The following ARHGEF3 variants were observed in gnomAD, a reference collection of about 807,000 sequenced individuals.
ARHGEF3 encodes Rho guanine nucleotide exchange factor 3.
Under a neutral mutation model 63.2 loss-of-function variants are expected in ARHGEF3, and 28 were observed. The ratio of observed to expected loss-of-function variants is 0.44; its 90% confidence interval spans 0.33 to 0.61. ARHGEF3 has a LOEUF of 0.61. ARHGEF3 is among the 20% of genes least tolerant of loss of function. The pLI, the probability that ARHGEF3 is intolerant of heterozygous loss-of-function variation, is 0.03. For missense variants in ARHGEF3, 533 were observed against 659.3 expected (o/e 0.81, Z 2.10); for synonymous variants, 266 against 254.2 (o/e 1.05, Z -0.44).
intron 8 of ARHGEF3, among the ~76,000 whole-genome samples, chr3:56,732,888 C>G (rs2033276664): frequency 6.6e-6 from 1 of 152,164 alleles, no homozygotes; most frequent in African/African-American, 2.4e-5. Context: ...TGGCTCACAC[C>G]TGTAATTCTA....
chr3:56,746,430 G>A (rs1380542365), intron 6 of ARHGEF3, among the ~76,000 whole-genome samples: 1 of 152,170 alleles, frequency 6.6e-6, no homozygotes, highest in Admixed American at 6.5e-5. Flanking sequence ...TGTGAACCTT[G>A]CTTAAAAATA....
intron 3 of ARHGEF3, chr3:56,938,598 G>T (rs1246825556): frequency 6.6e-6 from 1 of 152,184 alleles, no homozygotes; most frequent in Non-Finnish European, 1.5e-5. Flanking sequence ...GAGGCACTAA[G>T]AACACATGAG....
chr3:57,016,283 G>A (rs368133744), intron 2 of ARHGEF3, among the ~76,000 whole-genome samples: 9 of 151,522 alleles, frequency 5.9e-5, no homozygotes, highest in Admixed American at 2.6e-4. Context: ...ACGGCCAGGC[G>A]CAGTAATCCC....
chr3:56,892,263 A>C (rs973380204), intron 3 of ARHGEF3, among the ~76,000 whole-genome samples: 2 of 152,224 alleles, frequency 1.3e-5, no homozygotes, highest in Non-Finnish European at 2.9e-5. Flanking sequence ...CCCAGAAAAA[A>C]AAAATACGGG....
At chr3:56,847,351 C>A (rs2039524487) in intron 4 of ARHGEF3, among the ~76,000 whole-genome samples, 1 of 152,150 alleles carries the variant, frequency 6.6e-6, no homozygotes, top group Admixed American at 6.5e-5. Flanking sequence ...TCAGCCTCAT[C>A]TTATACCTTC....
intron 1 of ARHGEF3, among the ~76,000 whole-genome samples, chr3:57,047,885 G>C (rs965587967): frequency 6.6e-6 from 1 of 152,064 alleles, no homozygotes; most frequent in Admixed American, 6.6e-5. Flanking sequence ...GAGAAGAAGT[G>C]GGGGAAAGAT....
At chr3:56,822,304 T>C (rs1466253457) in intron 4 of ARHGEF3, among the ~76,000 whole-genome samples, 2 of 152,192 alleles carry the variant, frequency 1.3e-5, no homozygotes, top group Non-Finnish European at 2.9e-5. Flanking sequence ...TGGGTCAGGC[T>C]GGCTCCAGGG....
chr3:56,745,180 G>A, intron 7 of ARHGEF3, 25 bp downstream of exon 7: 2 of 1,603,968 alleles, frequency 1.2e-6, no homozygotes, highest in Non-Finnish European at 1.7e-6. Context: ...AACAAGAAGA[G>A]AGAGAAGGAA....
At chr3:56,809,741 T>C (rs2037996520) in intron 4 of ARHGEF3, among the ~76,000 whole-genome samples, 1 of 152,092 alleles carries the variant, frequency 6.6e-6, no homozygotes, top group African/African-American at 2.4e-5. Flanking sequence ...TTACTTTTTT[T>C]TTTTCCTTTG....
At chr3:57,051,356 G>A (rs1444603073) in intron 1 of ARHGEF3, among the ~76,000 whole-genome samples, 4 of 152,124 alleles carry the variant, frequency 2.6e-5, no homozygotes, top group Middle Eastern at 6.8e-3. Flanking sequence ...GTGTGGTGGT[G>A]CATGCCTGTA....
chr3:56,821,564 T>C (rs756067060), intron 4 of ARHGEF3, among the ~76,000 whole-genome samples: 2 of 152,152 alleles, frequency 1.3e-5, no homozygotes, highest in African/African-American at 2.4e-5. Context: ...TGTAGAACCA[T>C]TGATGACAGT....
intron 3 of ARHGEF3, among the ~76,000 whole-genome samples, chr3:56,932,556 C>A (rs927359769): frequency 4.7e-5 from 7 of 149,286 alleles, no homozygotes; most frequent in Non-Finnish European, 9.1e-5. Context: ...GGCATTCACA[C>A]TTTTTCCACT....
intron 3 of ARHGEF3, among the ~76,000 whole-genome samples, chr3:56,891,586 T>C (rs988967248): frequency 3.9e-5 from 6 of 152,204 alleles, no homozygotes; most frequent in Admixed American, 3.3e-4. Context: ...GTTTGTGAGT[T>C]TACATCTTAG....
At chr3:56,948,631 T>G (rs1699639665) in intron 3 of ARHGEF3, among the ~76,000 whole-genome samples, 1 of 152,184 alleles carries the variant, frequency 6.6e-6, no homozygotes. Context: ...ATTGAGGCAA[T>G]AATTAATAGC....
At chr3:56,809,482 T>C (rs762546239) in intron 4 of ARHGEF3, among the ~76,000 whole-genome samples, 15 of 152,304 alleles carry the variant, frequency 9.8e-5, no homozygotes, top group Admixed American at 3.9e-4. Context: ...ATGGTGTTTC[T>C]GGATGCACAG....
At chr3:56,970,668 T>C (rs1700869491) in intron 2 of ARHGEF3, among the ~76,000 whole-genome samples, 1 of 152,246 alleles carries the variant, frequency 6.6e-6, no homozygotes, top group Non-Finnish European at 1.5e-5. Flanking sequence ...CATTTTGCTG[T>C]GTTCCCCTTC....
chr3:56,873,865 G>A (rs2040507975), intron 4 of ARHGEF3, among the ~76,000 whole-genome samples: 1 of 152,050 alleles, frequency 6.6e-6, no homozygotes, highest in Admixed American at 6.6e-5. Context: ...AGGTGTTCTG[G>A]GGCACAAGCA....
chr3:56,947,646 G>C (rs28748132), intron 3 of ARHGEF3, among the ~76,000 whole-genome samples: 6 of 152,046 alleles, frequency 3.9e-5, no homozygotes, highest in African/African-American at 7.2e-5. Flanking sequence ...TAGAGACCTA[G>C]AAAGAGACTT....
chr3:56,775,800 G>GCA (rs146595496), intron 1 of ARHGEF3: 100,472 of 213,002 alleles, frequency 0.47, 24,611 homozygotes, highest in African/African-American at 0.63. Flanking sequence ...ACACGCGCAA[G>GCA]CACACACACA....
Sources: gnomAD v4.1 joint callset for allele counts (sites outside exome capture counted in the v4.1 genomes callset) on GRCh38, gnomAD v4.1.1 for gene constraint, MANE v1.5 for transcripts, NCBI Gene and HGNC (gene_info 2026-07-23, HGNC 2026-07-21) for gene names.